RSPH14: variants seen among roughly 807,000 people sequenced by gnomAD.
RSPH14 encodes the protein radial spoke head 14 homolog.
A neutral mutation model predicts 26.7 loss-of-function variants in RSPH14; 20 were observed. The ratio of observed to expected loss-of-function variants is 0.75; its 90% confidence interval spans 0.53 to 1.09. The LOEUF is 1.09. RSPH14 is among the 50% of genes least tolerant of loss of function. The pLI is 0.00. For missense variants in RSPH14, 449 were observed against 457.2 expected, an observed-to-expected ratio of 0.98 and a Z score of 0.16; for synonymous variants, 177 against 189.3, an observed-to-expected ratio of 0.93 and a Z score of 0.53.
chr22:23,158,865 G>A, the RSPH14 span: 1 of 1,597,036 alleles, frequency 6.3e-7, no homozygotes, highest in Non-Finnish European at 8.6e-7. Context: ...GGGAGGATGG[G>A]TGAATCTCTC....
the RSPH14 span, chr22:23,156,214 G>A: frequency 1.8e-6 from 1 of 571,324 alleles, no homozygotes; most frequent in Non-Finnish European, 3.1e-6. Context: ...GGCACTGGCT[G>A]ACTTTGGCGA....
intron 4 of RSPH14, among the ~76,000 whole-genome samples, chr22:23,090,634 G>T (rs140487774): frequency 2.4e-4 from 37 of 152,250 alleles, no homozygotes; most frequent in African/African-American, 8.2e-4. Context: ...CTTTGTGCCG[G>T]TGGTTCCCTC....
the RSPH14 span, among the ~76,000 whole-genome samples, chr22:23,178,494 G>C: frequency 1.3e-5 from 2 of 152,164 alleles, no homozygotes; most frequent in Non-Finnish European, 2.9e-5. Context: ...CCCTTTAGTG[G>C]CCAGGGCATC....
the RSPH14 span, chr22:23,152,464 CA>C: frequency 6.2e-7 from 1 of 1,614,182 alleles, no homozygotes; most frequent in Non-Finnish European, 8.5e-7. Context: ...CTCACAGGCT[CA>C]AACTCTCCAA....
At chr22:23,145,769 G>C (rs1470374471), upstream of RSPH14, among the ~76,000 whole-genome samples, 1 of 152,262 alleles carries the variant, frequency 6.6e-6, no homozygotes, top group East Asian at 1.9e-4. Context: ...GATGCGGGAA[G>C]ACAACCGGAC....
intron 4 of RSPH14, among the ~76,000 whole-genome samples, chr22:23,093,552 GACGCTC>G (rs1223025954): frequency 7.9e-5 from 12 of 152,236 alleles, no homozygotes; most frequent in African/African-American, 2.9e-4. Flanking sequence ...AGGGCAAGGT[GACGCTC>G]ACAGCGACAA....
chr22:23,111,857 G>C lies in RSPH14; in HGVS notation c.421+22169C>G, dbSNP rs528489655. On this transcript the variant is annotated intron_variant, in intron 4 of 6. Coordinates refer to ENST00000216036, the MANE Select transcript of RSPH14 (RefSeq NM_014433.3). ...CAGTCCTCAGATCCCGGTGGCAGTG[G>C]GCAGTGGGCTGTCTGAAACCAAGGT... Among the ~76,000 whole-genome samples, 5 of 152,312 alleles carry C rather than the reference G, an allele frequency of 3.3e-5. No individual in the cohort carries two copies. The East Asian group carries it at 9.6e-4, about 29-fold the overall frequency.
At chr22:23,124,472 T>C (rs972346751) in intron 4 of RSPH14, 2 of 421,904 alleles carry the variant, frequency 4.7e-6, no homozygotes, top group Non-Finnish European at 1.0e-5. Flanking sequence ...GCCTCTGCAG[T>C]GTCCTCTTGT....
At chr22:23,061,717 G>A in intron 6 of RSPH14, 92 bp downstream of exon 6, 1 of 1,502,068 alleles carries the variant, frequency 6.7e-7, no homozygotes, top group Non-Finnish European at 9.0e-7. Context: ...GTGGAGTTTG[G>A]GGGACGATAC....
chr22:23,096,568 G>A, intron 4 of RSPH14: 1 of 807,000 alleles, frequency 1.2e-6, no homozygotes, highest in Non-Finnish European at 2.0e-6. Context: ...GGCAGCTCCA[G>A]CAAGGTGGGG....
chr22:23,065,978 C>T (rs1477949811), intron 4 of RSPH14, among the ~76,000 whole-genome samples: 1 of 152,182 alleles, frequency 6.6e-6, no homozygotes, highest in Non-Finnish European at 1.5e-5. Flanking sequence ...CACCTGGCCT[C>T]CTGCTCCCGC....
chr22:23,064,161 C>T (rs183934427), intron 4 of RSPH14, 28 bp from the exon 5 acceptor site: 148 of 1,604,464 alleles, frequency 9.2e-5, no homozygotes, highest in African/African-American at 2.7e-4. Flanking sequence ...GCACTGAGGG[C>T]GGGCTGGCCA....
chr22:23,109,709 C>T (rs533545082), intron 4 of RSPH14, among the ~76,000 whole-genome samples: 7 of 152,310 alleles, frequency 4.6e-5, no homozygotes, highest in Middle Eastern at 3.4e-3. Flanking sequence ...CACAGAACCA[C>T]GGGGGCAGCA....
At chr22:23,176,255 T>C in the RSPH14 span, among the ~76,000 whole-genome samples, 1 of 152,222 alleles carries the variant, frequency 6.6e-6, no homozygotes, top group Non-Finnish European at 1.5e-5. Flanking sequence ...GGGGAAAAGC[T>C]GGGTGTGGGG....
chr22:23,123,038 T>A (rs1306957843), intron 4 of RSPH14: 2 of 1,274,774 alleles, frequency 1.6e-6, no homozygotes, highest in Admixed American at 1.7e-5. Context: ...CTAGGGTCTG[T>A]CTCTGCCTGC....
At chr22:23,145,261 C>CCAA, upstream of RSPH14, 2 of 1,021,002 alleles carry the variant, frequency 2.0e-6, no homozygotes, top group African/African-American at 1.6e-5. Context: ...ACCGCCCACC[C>CCAA]ATCCAGCACC....
intron 4 of RSPH14, among the ~76,000 whole-genome samples, chr22:23,085,621 G>A (rs2068795846): frequency 6.6e-6 from 1 of 152,128 alleles, no homozygotes; most frequent in Admixed American, 6.5e-5. Flanking sequence ...GAGGACAAGG[G>A]GTGCAGTGTT....
Position 23,077,166 on chromosome 22 carries a change from A to AC in RSPH14, c.422-13034dup, listed in dbSNP as rs1188970972. Among the ~76,000 whole-genome samples, 12 of 151,956 alleles carry AC rather than the reference A, an allele frequency of 7.9e-5. No homozygotes were observed. The South Asian group carries it at 2.3e-3, about 29-fold the overall frequency. ...AGTGACTGGTGAACCTCACCACTGT[A>AC]CCCCCTCCTATCTAGCAGCTTTAAC... On this transcript the variant is annotated intron_variant, in intron 4 of 6. Coordinates refer to ENST00000216036, the MANE Select transcript of RSPH14 (RefSeq NM_014433.3).
At chr22:23,099,891 G>A (rs2069244737) in intron 4 of RSPH14, among the ~76,000 whole-genome samples, 1 of 152,260 alleles carries the variant, frequency 6.6e-6, no homozygotes, top group South Asian at 2.1e-4. Context: ...GGGGTAGGTG[G>A]GCACTTGTTG....
Sources: gnomAD v4.1 joint callset for allele counts (sites outside exome capture counted in the v4.1 genomes callset) on GRCh38, gnomAD v4.1.1 for gene constraint, MANE v1.5 for transcripts, NCBI Gene and HGNC (gene_info 2026-07-23, HGNC 2026-07-21) for gene names.